The following ZNF462 variants were observed in gnomAD, a reference collection of about 807,000 sequenced individuals.
ZNF462 encodes the protein zinc finger PBX1-interacting protein.
Under a neutral mutation model 201.9 loss-of-function variants are expected in ZNF462, and 10 were observed. The ratio of observed to expected loss-of-function variants is 0.05; its 90% CI spans 0.03 to 0.08. The LOEUF (loss-of-function observed/expected upper bound fraction) is 0.08, where lower values mean the gene tolerates loss of function less well. ZNF462 is among the 10% of genes least tolerant of loss of function. The pLI, the probability that ZNF462 is intolerant of heterozygous loss-of-function variation, is 1.00. For missense variants in ZNF462, 2,523 were observed against 3,168.3 expected (o/e 0.80, Z 4.89); for synonymous variants, 1,227 against 1,193.3 (o/e 1.03, Z -0.58).
rs111637259 is a variant in ZNF462 at position 106,906,449 on chromosome 9, G to A, written c.-30-16905G>A. 5.2e-3 allele frequency among the ~76,000 whole-genome samples: 790 copies of A among 152,250 alleles called. 11 individuals are homozygous for A. Among genetic ancestry groups the A allele is most frequent in the African/African-American group, 0.018 (766 of 41,542 alleles). On this transcript the variant is annotated intron_variant, in intron 1 of 12. Coordinates refer to ENST00000277225, the MANE Select transcript of ZNF462 (RefSeq NM_021224.6). ...TCCCTGCTTTTCCTTTAAAGGTATG[G>A]GTAGAGCAATGTGTTGATTGAGAAT...
At chr9:106,961,005 A>G (rs1446492454) in intron 7 of ZNF462, among the ~76,000 whole-genome samples, 1 of 152,102 alleles carries the variant, frequency 6.6e-6, no homozygotes, top group Non-Finnish European at 1.5e-5. Flanking sequence ...TACAGTGAAA[A>G]TATAGTTCTA....
Position 106,974,405 on chromosome 9 carries a change from A to G in ZNF462, c.6832+132A>G. On this transcript the variant is annotated intron_variant, in intron 9 of 12. Transcript: ENST00000277225. The surrounding 1 kb of genome is among the most constrained non-coding windows in gnomAD (Gnocchi z 4.0). ...TCACCTTATCTTCAGGCAAGAAACC[A>G]CAGTGATAACCACAGTGACAGCCAA... 2 of 1,386,110 alleles carry G rather than the reference A, an allele frequency of 1.4e-6. No homozygotes were observed. Among genetic ancestry groups the G allele is most frequent in the Non-Finnish European group, 2.1e-6 (2 of 975,128 alleles). The allele number at this position is 1,386,110 out of a possible 1,614,324, so 85.9% of individuals were successfully genotyped here. A position where few individuals can be genotyped will look rare whatever the true frequency, so the allele number is the denominator to read the frequency against.
At chr9:106,894,844 TA>T (rs1828744287) in intron 1 of ZNF462, among the ~76,000 whole-genome samples, 1 of 152,242 alleles carries the variant, frequency 6.6e-6, no homozygotes, top group Non-Finnish European at 1.5e-5. Context: ...ATAAATATTG[TA>T]AGTTTTCTAT....
At chr9:106,864,345 C>T (rs535034603) in intron 1 of ZNF462, among the ~76,000 whole-genome samples, 1 of 151,892 alleles carries the variant, frequency 6.6e-6, no homozygotes, top group Non-Finnish European at 1.5e-5. Context: ...GCTTGGCTCT[C>T]CTCTGAGGAA....
chr9:106,985,414 T>A (rs1827763682), intron 10 of ZNF462, among the ~76,000 whole-genome samples: 1 of 152,116 alleles, frequency 6.6e-6, no homozygotes, highest in South Asian at 2.1e-4. Context: ...AAAATTCTCT[T>A]CCAGAGGTTT....
Position 106,954,702 on chromosome 9 carries a change from A to G in ZNF462, c.6427+15595A>G, listed in dbSNP as rs1831499105. On this transcript the variant is annotated intron_variant, in intron 7 of 12. Transcript: ENST00000277225. This position sits in a 1 kb window ranked among gnomAD's most constrained non-coding sequence, Gnocchi z 4.0. ...CATGCCCAGGTACTACCTGTCTTTCAAAGCCACTTGCAAATTCCTTCATTT... is the reference window on the plus strand; with the variant it reads ...CATGCCCAGGTACTACCTGTCTTTCGAAGCCACTTGCAAATTCCTTCATTT... 6.6e-6 allele frequency among the ~76,000 whole-genome samples: 1 copy of G among 152,018 alleles called. No homozygotes were observed. Among genetic ancestry groups the G allele is most frequent in the South Asian group, 2.1e-4 (1 of 4,826 alleles).
Position 106,981,088 on chromosome 9 carries a change from GA to G in ZNF462, c.6833-3093del, listed in dbSNP as rs1475323511. 1.3e-5 allele frequency among the ~76,000 whole-genome samples: 2 copies of G among 152,052 alleles called. No individual in the cohort carries two copies. Among genetic ancestry groups the G allele is most frequent in the Non-Finnish European group, 2.9e-5 (2 of 68,010 alleles). On this transcript the variant is annotated intron_variant, in intron 9 of 12. Coordinates refer to ENST00000277225, the MANE Select transcript of ZNF462 (RefSeq NM_021224.6). The surrounding 1 kb of genome is among the most constrained non-coding windows in gnomAD (Gnocchi z 4.0). Reference sequence around the variant, plus strand: ...ATGTTAACCATGTTTTTAGAAAGGGGAAAAAGCTAACTTTTTTTCTAAAATT... The same window carrying G: ...ATGTTAACCATGTTTTTAGAAAGGGGAAAAGCTAACTTTTTTTCTAAAATT...
At chr9:106,908,941 A>ATATT (rs1554699410) in intron 1 of ZNF462, among the ~76,000 whole-genome samples, 5 of 25,350 alleles carry the variant, frequency 2.0e-4, no homozygotes, top group Non-Finnish European at 2.6e-4. Flanking sequence ...ATATATATAT[A>ATATT]TTTTTTTTTT....
rs775332813 is a variant in ZNF462, at chr9:106,929,721, T to C, written c.5809T>C (p.Tyr1937His). Residue 1937 changes from tyrosine (Y) to histidine (H), a missense_variant, in exon 3 of 13, where the codon TAT becomes CAT. Tyr to His is a moderately conservative substitution (Grantham distance 83). This residue lies in a region of ZNF462 where 107 missense variants were observed against 187.7 expected (regional missense o/e 0.57). Transcript: ENST00000277225. This position sits in a 1 kb window ranked among gnomAD's most constrained non-coding sequence, Gnocchi z 8.7. ...RRKQLLSKQK[Y>H]ADGAFADFKQ... ...GAAACAGCTTTTGAGCAAGCAGAAA[T>C]ATGCAGATGGTGCTTTTGCAGATTT... The C allele has an allele frequency of 1.2e-6, 2 of 1,614,002 alleles. No homozygotes were observed. The highest frequency in any genetic ancestry group is 1.7e-6 in the Non-Finnish European group (2 of 1,179,992).
intron 10 of ZNF462, among the ~76,000 whole-genome samples, chr9:106,991,079 G>T (rs1828239807): frequency 6.6e-6 from 1 of 151,818 alleles, no homozygotes. Flanking sequence ...GCTAAAACAA[G>T]AAATTAAAGG....
At chr9:106,992,325 AT>A (rs983642740) in intron 10 of ZNF462, among the ~76,000 whole-genome samples, 1 of 152,158 alleles carries the variant, frequency 6.6e-6, no homozygotes, top group Non-Finnish European at 1.5e-5. Flanking sequence ...CATGGCTAAA[AT>A]TAAGAAGGCT....
At position 106,954,705 on chromosome 9, in the gene ZNF462, G is replaced by C. The variant is rs1273989663; in HGVS notation, c.6427+15598G>C. ...GCCCAGGTACTACCTGTCTTTCAAA[G>C]CCACTTGCAAATTCCTTCATTTCTG... On this transcript the variant is annotated intron_variant, in intron 7 of 12. Transcript: ENST00000277225. The surrounding 1 kb of genome is among the most constrained non-coding windows in gnomAD (Gnocchi z 4.0). Among the ~76,000 whole-genome samples the C allele has an allele frequency of 2.0e-5, 3 of 151,894 alleles. No homozygotes were observed. The East Asian group carries it at 5.8e-4, about 29-fold the overall frequency.
intron 7 of ZNF462, among the ~76,000 whole-genome samples, chr9:106,964,650 T>C (rs1418898787): frequency 6.6e-6 from 1 of 152,126 alleles, no homozygotes; most frequent in Non-Finnish European, 1.5e-5. Flanking sequence ...ATAGTTGGTC[T>C]TGCCAAAATG....
chr9:106,926,736 C>T lies in ZNF462; in HGVS notation c.2824C>T (p.Pro942Ser). Residue 942 changes from proline to serine, a missense_variant, in exon 3 of 13, where the codon CCA becomes TCA. This residue lies in a region of ZNF462 where 280 missense variants were observed against 321.3 expected (regional missense o/e 0.87). Transcript: ENST00000277225. This position sits in a 1 kb window ranked among gnomAD's most constrained non-coding sequence, Gnocchi z 7.9. ...GAGCCCGAATGTTAGAAGCCTGATG[C>T]CACATTACCAAAGAATGCATCCCAC... ...YTSPNVRSLM[P>S]HYQRMHPTVK... 2 of 1,614,064 alleles carry T rather than the reference C, an allele frequency of 1.2e-6. No individual in the cohort carries two copies. Among genetic ancestry groups the T allele is most frequent in the Non-Finnish European group, 1.7e-6 (2 of 1,180,020 alleles).
At chr9:106,916,731 A>G (rs939926152) in intron 1 of ZNF462, among the ~76,000 whole-genome samples, 1 of 152,194 alleles carries the variant, frequency 6.6e-6, no homozygotes, top group Non-Finnish European at 1.5e-5. Flanking sequence ...GGTTCCCATC[A>G]TTTGAAAGGA....
At position 106,917,264 on chromosome 9, in the gene ZNF462, T is replaced by C. The variant is rs1829812211; in HGVS notation, c.-30-6090T>C. ...TAATGATGATTCCAAAGGTATCTAT[T>C]AAGAAATAGTACTCCAGCATACTCT... On this transcript the variant is annotated intron_variant, in intron 1 of 12. Transcript: ENST00000277225. The surrounding 1 kb of genome is among the most constrained non-coding windows in gnomAD (Gnocchi z 4.5). Among the ~76,000 whole-genome samples, 1 of 152,252 alleles carries C rather than the reference T, an allele frequency of 6.6e-6. No homozygotes were observed. The highest frequency in any genetic ancestry group is 2.1e-4 in the South Asian group (1 of 4,832).
intron 1 of ZNF462, among the ~76,000 whole-genome samples, chr9:106,906,776 A>G (rs1829292317): frequency 6.6e-6 from 1 of 152,238 alleles, no homozygotes; most frequent in African/African-American, 2.4e-5. Context: ...TTTTCACATC[A>G]TTAAGTAGAA....
rs1233763119 is a variant in ZNF462 at position 107,009,818 on chromosome 9, GT to G, written c.7313+153del. On this transcript the variant is annotated intron_variant, in intron 12 of 12. Transcript: ENST00000277225. The surrounding 1 kb of genome is among the most constrained non-coding windows in gnomAD (Gnocchi z 6.1). ...AGGAGAGGCAATGGTGAGGAACCAA[GT>G]TTCTCCTTTTCTGTTGTTTTTTAAA... 6 of 1,214,706 alleles carry G rather than the reference GT, an allele frequency of 4.9e-6. No individual in the cohort carries two copies. The highest frequency in any genetic ancestry group is 2.8e-5 in the Admixed American group (1 of 35,244). The allele number at this position is 1,214,706 out of a possible 1,614,324, so 75.2% of individuals were successfully genotyped here.
At chr9:106,983,370 T>A (rs1827590634) in intron 9 of ZNF462, among the ~76,000 whole-genome samples, 1 of 152,024 alleles carries the variant, frequency 6.6e-6, no homozygotes, top group South Asian at 2.1e-4. Flanking sequence ...CAACCCCACC[T>A]CCCCCGATTG....
Sources: allele counts gnomAD v4.1 joint callset (sites outside exome capture counted in the v4.1 genomes callset), GRCh38; gene constraint gnomAD v4.1.1; regional missense constraint gnomAD v4.1.1; non-coding constraint Gnocchi (gnomAD v3.1); transcripts MANE v1.5; gene names NCBI Gene and HGNC (gene_info 2026-07-23, HGNC 2026-07-21).